The following NOS1 variants were observed in gnomAD, a reference collection of about 807,000 sequenced individuals.
NOS1 encodes the protein nitric oxide synthase 1.
Under a neutral mutation model 164.5 loss-of-function variants are expected in NOS1, and 51 were observed. The ratio of observed to expected loss-of-function variants is 0.31; its 90% CI spans 0.25 to 0.39. The LOEUF (loss-of-function observed/expected upper bound fraction) is 0.39. NOS1 is among the 10% of genes least tolerant of loss of function. The probability of loss-of-function intolerance (pLI) is 1.00; values close to 1 mark genes in which losing one functional copy is unlikely to be tolerated. For missense variants in NOS1, 1,362 were observed against 1,885.6 expected (o/e 0.72, Z 5.14); for synonymous variants, 719 against 745.8 (o/e 0.96, Z 0.59).
rs574312781 is a variant in NOS1 at position 117,289,017 on chromosome 12, A to AAT, written c.982-800_982-799dup. On this transcript the variant is annotated intron_variant, in intron 4 of 28. Transcript: ENST00000317775. ...CCAGCCAATCCGTAGACTTTTGAAA[A>AAT]ATAATACATAGTTTTAATAGTTGTT... 9.6e-4 allele frequency among the ~76,000 whole-genome samples: 146 copies of AAT among 152,288 alleles called. 1 individual carries two copies. Among genetic ancestry groups the AAT allele is most frequent in the African/African-American group, 3.2e-3 (131 of 41,560 alleles).
intron 3 of NOS1, among the ~76,000 whole-genome samples, chr12:117,297,612 G>A (rs372040001): frequency 6.6e-5 from 10 of 151,936 alleles, no homozygotes; most frequent in Non-Finnish European, 1.0e-4. Flanking sequence ...GGCTGATCTC[G>A]AACTCCCGAC....
intron 2 of NOS1, among the ~76,000 whole-genome samples, chr12:117,328,647 C>G (rs948845636): frequency 6.6e-6 from 1 of 152,096 alleles, no homozygotes; most frequent in African/African-American, 2.4e-5. Context: ...TCACTGCAAC[C>G]TCTGCCTCCC....
At chr12:117,247,734 T>C (rs1870739485) in intron 17 of NOS1, among the ~76,000 whole-genome samples, 1 of 151,880 alleles carries the variant, frequency 6.6e-6, no homozygotes, top group Admixed American at 6.6e-5. Context: ...TTAGTGTCCT[T>C]ATAAGAAGAG....
intron 2 of NOS1, among the ~76,000 whole-genome samples, chr12:117,324,715 C>CTAAATAAATAAATAATAAA (rs1875157037): frequency 6.7e-6 from 1 of 149,244 alleles, no homozygotes; most frequent in African/African-American, 2.5e-5. Flanking sequence ...GACTCTGTCT[C>CTAAATAAATAAATAATAAA]TAAATAAATA....
intron 22 of NOS1, among the ~76,000 whole-genome samples, chr12:117,231,702 G>C (rs1045830853): frequency 1.3e-5 from 2 of 152,246 alleles, no homozygotes; most frequent in African/African-American, 4.8e-5. Flanking sequence ...TCCAGAAGAA[G>C]ACAGAAAGAG....
chr12:117,322,791 TTCCTTCCCTCCTTCCCTCCCTTCC>T (rs1361577631), intron 2 of NOS1, among the ~76,000 whole-genome samples: 5 of 130,536 alleles, frequency 3.8e-5, no homozygotes, highest in East Asian at 2.7e-4. Flanking sequence ...CCTTTCTTCC[TTCCTTCCCTCCTTCCCTCCCTTCC>T]TCCTTCCCTC....
At chr12:117,242,313 A>G (rs571005080) in intron 20 of NOS1, among the ~76,000 whole-genome samples, 3 of 152,246 alleles carry the variant, frequency 2.0e-5, no homozygotes, top group Non-Finnish European at 2.9e-5. Flanking sequence ...AGTGATTTCC[A>G]GCTAAGATGC....
intron 1 of NOS1, among the ~76,000 whole-genome samples, chr12:117,332,188 G>A (rs903895416): frequency 2.0e-5 from 3 of 152,196 alleles, no homozygotes; most frequent in African/African-American, 7.2e-5. Context: ...GGCACTCAAT[G>A]AACATTCGTT....
intron 20 of NOS1, among the ~76,000 whole-genome samples, chr12:117,235,978 G>A (rs186273982): frequency 6.6e-6 from 1 of 151,896 alleles, no homozygotes; most frequent in Non-Finnish European, 1.5e-5. Flanking sequence ...AGGAGGTGGA[G>A]GTTGCAATGA....
intron 26 of NOS1, among the ~76,000 whole-genome samples, chr12:117,221,818 A>ATTTT (rs3070338): frequency 1.8e-5 from 2 of 111,550 alleles, no homozygotes; most frequent in East Asian, 2.6e-4. Flanking sequence ...GCTAACTTAA[A>ATTTT]TTTTTTTTTT....
At chr12:117,338,064 A>C (rs1359022492) in intron 1 of NOS1, among the ~76,000 whole-genome samples, 1 of 151,820 alleles carries the variant, frequency 6.6e-6, no homozygotes, top group Non-Finnish European at 1.5e-5. Context: ...AAAATACAAA[A>C]AAGTTAGCTG....
intron 1 of NOS1, among the ~76,000 whole-genome samples, chr12:117,360,181 G>A (rs555667298): frequency 6.6e-6 from 1 of 151,928 alleles, no homozygotes; most frequent in African/African-American, 2.4e-5. Context: ...CTCCGTGAGA[G>A]CCTCTCCTCT....
chr12:117,281,916 C>T (rs1873705635), intron 7 of NOS1, among the ~76,000 whole-genome samples: 1 of 151,674 alleles, frequency 6.6e-6, no homozygotes, highest in African/African-American at 2.4e-5. Context: ...ATCCACTTTG[C>T]CCACCCTCCT....
intron 13 of NOS1, among the ~76,000 whole-genome samples, chr12:117,261,114 A>G (rs1871867960): frequency 7.0e-6 from 1 of 143,282 alleles, no homozygotes; most frequent in African/African-American, 2.6e-5. Flanking sequence ...GGTTGCAGTG[A>G]GCCGAGATCG....
At chr12:117,334,542 C>T (rs1345561052) in intron 1 of NOS1, among the ~76,000 whole-genome samples, 1 of 152,012 alleles carries the variant, frequency 6.6e-6, no homozygotes, top group African/African-American at 2.4e-5. Context: ...GATTACGGCT[C>T]CCGCCACCAC....
chr12:117,322,202 C>A (rs1161328239), intron 2 of NOS1, among the ~76,000 whole-genome samples: 1 of 138,276 alleles, frequency 7.2e-6, no homozygotes, highest in Non-Finnish European at 1.6e-5. Flanking sequence ...TTCCCTCTCT[C>A]CTTCCTTCCC....
intron 2 of NOS1, among the ~76,000 whole-genome samples, chr12:117,316,217 C>T (rs942167786): frequency 2.6e-5 from 4 of 152,102 alleles, no homozygotes; most frequent in African/African-American, 9.7e-5. Flanking sequence ...ACACGTGGCT[C>T]CAACCAGGGG....
Position 117,211,746 on chromosome 12 carries a change from C to T in NOS1, c.*3563G>A. 1 of 985,432 alleles carries T rather than the reference C, an allele frequency of 1.0e-6. No individual in the cohort carries two copies. The highest frequency in any genetic ancestry group is 1.2e-6 in the Non-Finnish European group (1 of 830,000). 61.0% of individuals were successfully genotyped at this position (985,432 alleles called of 1,614,324 possible). ...CAAACCCCAGAAATTTATGTCAGTT[C>T]CAAGACGGGTGTCTCTCTCCATCAG... is the stretch of plus-strand genomic sequence containing the variant. On this transcript the variant is annotated 3_prime_UTR_variant, in exon 29 of 29. Coordinates refer to ENST00000317775, the MANE Select transcript of NOS1 (RefSeq NM_000620.5).
At chr12:117,282,116 C>T (rs1246974828) in intron 7 of NOS1, among the ~76,000 whole-genome samples, 6 of 151,834 alleles carry the variant, frequency 4.0e-5, no homozygotes, top group Admixed American at 3.3e-4. Context: ...CTAGCTGGAG[C>T]CCTGGTCTCT....
Sources: gnomAD v4.1 joint callset for allele counts (sites outside exome capture counted in the v4.1 genomes callset) on GRCh38, gnomAD v4.1.1 for gene constraint, MANE v1.5 for transcripts, NCBI Gene and HGNC (gene_info 2026-07-23, HGNC 2026-07-21) for gene names.